TYW3: variants seen among roughly 807,000 people sequenced by gnomAD.
TYW3 encodes tRNA-yW synthesizing protein 3 homolog.
TYW3 carries 26 observed loss-of-function variants against 23.1 expected under a neutral mutation model. That is an observed-to-expected ratio of 1.13 (90% CI 0.83 to 1.56). The LOEUF (loss-of-function observed/expected upper bound fraction) is 1.56. TYW3 is among the 40% of genes most tolerant of loss of function. The pLI is 0.00. For missense variants in TYW3, 316 were observed against 311.9 expected (o/e 1.01, Z -0.10); for synonymous variants, 102 against 105.7 (o/e 0.97, Z 0.21).
chr1:74,742,882 C>T (rs981836713), intron 3 of TYW3, among the ~76,000 whole-genome samples: 6 of 152,190 alleles, frequency 3.9e-5, no homozygotes, highest in African/African-American at 1.4e-4. Flanking sequence ...GGTAACGGAC[C>T]TTGAGGACAA....
intron 3 of TYW3, among the ~76,000 whole-genome samples, chr1:74,739,423 G>C (rs1648272334): frequency 6.6e-6 from 1 of 152,164 alleles, no homozygotes; most frequent in Non-Finnish European, 1.5e-5. Context: ...AAACAACCTG[G>C]TAATAGAGAA....
In TYW3 at chr1:74,733,235, T is replaced by TC; in HGVS notation, c.-8dup. The TC allele has an allele frequency of 6.2e-7, 1 of 1,613,510 alleles. No homozygotes were observed. The highest frequency in any genetic ancestry group is 8.5e-7 in the Non-Finnish European group (1 of 1,179,724). On this transcript the variant is annotated 5_prime_UTR_variant, in exon 1 of 6. Coordinates refer to ENST00000370867, the MANE Select transcript of TYW3 (RefSeq NM_138467.3). Reference sequence around the variant, plus strand: ...GAAGGAGCCGAGCGCAGACCCTGAGTCCGTCACCCATGGATCGCAGCGCGG... The same window carrying TC: ...GAAGGAGCCGAGCGCAGACCCTGAGTCCCGTCACCCATGGATCGCAGCGCGG...
intron 4 of TYW3, among the ~76,000 whole-genome samples, chr1:74,749,091 A>G (rs532331283): frequency 6.6e-6 from 1 of 152,276 alleles, no homozygotes; most frequent in East Asian, 1.9e-4. Context: ...CAAGGCCCCA[A>G]AGCACTATGA....
In TYW3 at chr1:74,764,259, G is replaced by A. The variant is rs1437259866; in HGVS notation, c.*146G>A. 1.5e-6 allele frequency: 1 copy of A among 673,168 alleles called. No individual in the cohort carries two copies. Among genetic ancestry groups the A allele is most frequent in the East Asian group, 2.8e-5 (1 of 35,560 alleles). 41.7% of individuals were successfully genotyped at this position (673,168 alleles called of 1,614,324 possible). The stretch of plus-strand genomic sequence containing the variant: ...CAGAGCTTCAAACTATAACTTTGTT[G>A]CCCAGAGGATGTGCAGTTGTCATCT... On this transcript the variant is annotated 3_prime_UTR_variant, in exon 6 of 6. Coordinates refer to ENST00000370867, the MANE Select transcript of TYW3 (RefSeq NM_138467.3).
At chr1:74,735,238 T>G (rs1648108404) in intron 1 of TYW3, among the ~76,000 whole-genome samples, 1 of 152,230 alleles carries the variant, frequency 6.6e-6, no homozygotes, top group Admixed American at 6.5e-5. Flanking sequence ...CTTTCAACCT[T>G]TTTTTCATTG....
rs1649267519 is a variant in TYW3, at chr1:74,765,337, C to T, written c.*1224C>T. The T allele has an allele frequency of 6.6e-6, 1 of 152,120 alleles. No homozygotes were observed. Among genetic ancestry groups the T allele is most frequent in the South Asian group, 2.1e-4 (1 of 4,828 alleles). 9.4% of individuals were successfully genotyped at this position (152,120 alleles called of 1,614,324 possible). On this transcript the variant is annotated 3_prime_UTR_variant, in exon 6 of 6. Coordinates refer to ENST00000370867, the MANE Select transcript of TYW3 (RefSeq NM_138467.3). ...GCAAGAGCTTAGGTAAGTTATAGTC[C>T]TTACCATTGGGTCTAAGGCAGTTTC...
At chr1:74,759,489 A>G (rs768665906) in intron 5 of TYW3, among the ~76,000 whole-genome samples, 1 of 151,306 alleles carries the variant, frequency 6.6e-6, no homozygotes, top group Non-Finnish European at 1.5e-5. Context: ...TTTTGGGATT[A>G]TAAGCATGAG....
chr1:74,737,531 A>G (rs72970040), intron 2 of TYW3, among the ~76,000 whole-genome samples: 4,970 of 152,210 alleles, frequency 0.033, 255 homozygotes, highest in African/African-American at 0.11. Context: ...TGATAGGGAG[A>G]GTGATGTGTG....
chr1:74,758,007 G>A (rs942473305), intron 5 of TYW3, among the ~76,000 whole-genome samples: 5 of 152,292 alleles, frequency 3.3e-5, no homozygotes, highest in Admixed American at 6.5e-5. Context: ...TTTATCAGCA[G>A]CACGAAAATG....
chr1:74,745,757 T>C (rs1648545830), intron 3 of TYW3, among the ~76,000 whole-genome samples: 1 of 152,176 alleles, frequency 6.6e-6, no homozygotes, highest in African/African-American at 2.4e-5. Context: ...CTGGGTAGTA[T>C]AAACAACAGA....
intron 3 of TYW3, among the ~76,000 whole-genome samples, chr1:74,744,606 T>C (rs1473824855): frequency 6.6e-6 from 1 of 152,084 alleles, no homozygotes; most frequent in Admixed American, 6.6e-5. Context: ...CCCATCTGGG[T>C]CGCCAAAATG....
Position 74,752,277 on chromosome 1 carries a change from G to GT in TYW3, c.427-9dup. ...GTATCTAAGTCTTCATATCTAAATT[G>GT]TTTTTTCCTTGTAGGCTGTCCGGAG... On this transcript the variant is annotated splice_polypyrimidine_tract_variant and intron_variant, in intron 4 of 5. Coordinates refer to ENST00000370867, the MANE Select transcript of TYW3 (RefSeq NM_138467.3). The GT allele has an allele frequency of 3.2e-6, 5 of 1,581,574 alleles. No homozygotes were observed. Among genetic ancestry groups the GT allele is most frequent in the Non-Finnish European group, 4.3e-6 (5 of 1,165,708 alleles).
intron 2 of TYW3, 148 bp from the exon 3 acceptor site, chr1:74,738,542 C>A: frequency 2.1e-6 from 1 of 465,498 alleles, no homozygotes; most frequent in Non-Finnish European, 3.7e-6. Flanking sequence ...GAAAAAGGAC[C>A]AAGAAAGCAG....
At chr1:74,739,370 C>T (rs1027398606) in intron 3 of TYW3, among the ~76,000 whole-genome samples, 2 of 151,924 alleles carry the variant, frequency 1.3e-5, no homozygotes, top group African/African-American at 4.8e-5. Context: ...GGCAAAAAAA[C>T]AAAAAACAAA....
chr1:74,733,349 G>C lies in TYW3; in HGVS notation c.105G>C (p.Gln35His). ...ACGAGGATGTGGTAGAGCTTGTGCA[G>C]TTTCTGAACATGCGAGATCAGTTTT... ...SVDEDVVELVQFLNMRDQFFT... is the reference protein window; with the variant it reads ...SVDEDVVELVHFLNMRDQFFT... The change falls in exon 1 of 6, where the codon CAG becomes CAC. Residue 35 changes from glutamine to histidine, a missense_variant. Physicochemically the swap from Gln to His is conservative, Grantham distance 24. Transcript: ENST00000370867. 1 of 1,614,198 alleles carries C rather than the reference G, an allele frequency of 6.2e-7. No homozygotes were observed. The highest frequency in any genetic ancestry group is 8.5e-7 in the Non-Finnish European group (1 of 1,180,036).
intron 3 of TYW3, chr1:74,748,512 T>C (rs1648666227): frequency 4.6e-6 from 2 of 439,062 alleles, no homozygotes; most frequent in African/African-American, 2.0e-5. Flanking sequence ...TGTTTGTGAT[T>C]GAATTCTACT....
intron 5 of TYW3, among the ~76,000 whole-genome samples, chr1:74,761,950 C>T (rs115607949): frequency 0.015 from 2,353 of 152,032 alleles, 29 homozygotes; most frequent in East Asian, 0.05. Flanking sequence ...GTTTCAGTAA[C>T]GGAAGGATGT....
At chr1:74,736,383 G>T in intron 1 of TYW3, 159 bp from the exon 2 acceptor site, 2 of 468,732 alleles carry the variant, frequency 4.3e-6, no homozygotes, top group Non-Finnish European at 7.3e-6. Context: ...CTTATTCTGG[G>T]TTAACATTAC....
At chr1:74,761,514 G>C (rs1268902936) in intron 5 of TYW3, 1 of 151,876 alleles carries the variant, frequency 6.6e-6, no homozygotes, top group Non-Finnish European at 1.5e-5. Flanking sequence ...AGTTACCTAA[G>C]CCTAAAGTGC....
Sources: allele counts gnomAD v4.1 joint callset (sites outside exome capture counted in the v4.1 genomes callset), GRCh38; gene constraint gnomAD v4.1.1; transcripts MANE v1.5; gene names NCBI Gene and HGNC (gene_info 2026-07-23, HGNC 2026-07-21).